Variants in COL18A1 observed in about 807,000 individuals in gnomAD.
The protein encoded by COL18A1 is collagen type XVIII alpha 1 chain.
Under a neutral mutation model 168.0 loss-of-function variants are expected in COL18A1, and 133 were observed. The observed-to-expected ratio is 0.79, with a 90% CI of 0.69 to 0.91. COL18A1 has a LOEUF of 0.91. Among genes scored for constraint, COL18A1 ranks in the 40% least tolerant of loss-of-function variants. The pLI is 0.00. For missense variants in COL18A1, 2,126 were observed against 1,925.4 expected (o/e 1.10, Z -1.95); for synonymous variants, 949 against 809.0 (o/e 1.17, Z -2.94).
chr21:45,504,819 T>TGGGCC (rs945823170), intron 34 of COL18A1, among the ~76,000 whole-genome samples: 27 of 152,106 alleles, frequency 1.8e-4, no homozygotes, highest in Non-Finnish European at 3.5e-4. Context: ...CCTCTGCTCC[T>TGGGCC]GGGCCGGGTC....
At position 45,493,600 on chromosome 21, in the gene COL18A1, G is replaced by A. The variant is rs77010332; in HGVS notation, c.2352+25G>A. On this transcript the variant is annotated intron_variant, in intron 26 of 41. Transcript: ENST00000651438. ...GGTGAGGGCCGGGCAGCCTCCTTCC[G>A]GCAGGCGTGGGGGCTCCTGGGGCTG... is the stretch of plus-strand genomic sequence containing the variant. 23,785 of 1,525,146 alleles carry A rather than the reference G, an allele frequency of 0.016. 926 individuals are homozygous for A. Among genetic ancestry groups the A allele is most frequent in the East Asian group, 0.13 (5,298 of 40,788 alleles). The allele number at this position is 1,525,146 out of a possible 1,614,324, so 94.5% of individuals were successfully genotyped here. A position where few individuals can be genotyped will look rare whatever the true frequency, so the allele number is the denominator to read the frequency against.
intron 2 of COL18A1, among the ~76,000 whole-genome samples, chr21:45,450,063 T>G (rs1490272896): frequency 6.6e-6 from 1 of 152,204 alleles, no homozygotes; most frequent in Non-Finnish European, 1.5e-5. Context: ...CTTGACTGGC[T>G]GTGCCTGCCT....
At chr21:45,493,719 T>C (rs996635315) in intron 26 of COL18A1, 144 bp downstream of exon 26, 1 of 659,294 alleles carries the variant, frequency 1.5e-6, no homozygotes, top group Admixed American at 2.8e-5. Context: ...CTGGCCCTGG[T>C]GGCCCCTCCT....
At chr21:45,506,068 G>A in intron 37 of COL18A1, 102 bp downstream of exon 37, 3 of 1,554,134 alleles carry the variant, frequency 1.9e-6, no homozygotes, top group Non-Finnish European at 2.6e-6. Flanking sequence ...AGGGATGGGA[G>A]CAGGTGGCAG....
chr21:45,498,250 G>A lies in COL18A1; in HGVS notation c.2683+589G>A. ...AGGATGTCTGGGGGCTGGCAGAGCA[G>A]AAGCCCAGAGAGCCAGGCTAGCCTC... On this transcript the variant is annotated intron_variant, in intron 32 of 41. Transcript: ENST00000651438. The surrounding 1 kb of genome is among the most constrained non-coding windows in gnomAD (Gnocchi z 4.5). The A allele has an allele frequency of 2.8e-6, 2 of 704,844 alleles. No individual in the cohort carries two copies. The highest frequency in any genetic ancestry group is 1.5e-5 in the South Asian group (1 of 67,548). 43.7% of individuals were successfully genotyped at this position (704,844 alleles called of 1,614,324 possible).
Position 45,423,280 on chromosome 21 carries a change from T to C in COL18A1, c.106+17807T>C, listed in dbSNP as rs1392080840. ...GGTCCAGTTCCCGCGTGTTGGCCGG[T>C]CTGGTCCCTGAGTGTTGGCTGGTCC... On this transcript the variant is annotated intron_variant, in intron 2 of 41. Transcript: ENST00000651438. This position sits in a 1 kb window ranked among gnomAD's most constrained non-coding sequence, Gnocchi z 4.0. Among the ~76,000 whole-genome samples, 1 of 152,166 alleles carries C rather than the reference T, an allele frequency of 6.6e-6. No individual in the cohort carries two copies. Among genetic ancestry groups the C allele is most frequent in the Non-Finnish European group, 1.5e-5 (1 of 68,034 alleles).
In COL18A1 at chr21:45,487,470, G is replaced by C; in HGVS notation, c.1857G>C (p.Gly619=). ...AGGATGACATGGAAGGCTCCGGGGG[G>C]CCCTTCTGGTCAACAGCCCGAAGCG... ...AGFDDMEGSG[G]PFWSTARSAD... is the part of the protein sequence containing the mutation. Residue 619 remains glycine, a synonymous_variant, in exon 17 of 42, where the codon GGG becomes GGC. Coordinates refer to ENST00000651438, the MANE Select transcript of COL18A1 (RefSeq NM_001379500.1). 6.2e-7 allele frequency: 1 copy of C among 1,613,096 alleles called. No individual in the cohort carries two copies. The highest frequency in any genetic ancestry group is 1.7e-4 in the Middle Eastern group (1 of 5,982).
intron 2 of COL18A1, among the ~76,000 whole-genome samples, chr21:45,447,830 G>A (rs1179119903): frequency 6.6e-6 from 1 of 152,096 alleles, no homozygotes; most frequent in Non-Finnish European, 1.5e-5. Flanking sequence ...CGCCCTCAGT[G>A]AACTTTATCA....
intron 2 of COL18A1, chr21:45,456,852 G>A (rs556919652): frequency 1.4e-6 from 2 of 1,480,066 alleles, no homozygotes; most frequent in East Asian, 5.2e-5. Flanking sequence ...CAGGAGGATG[G>A]GTACTGTGTG....
chr21:45,422,913 G>A (rs547623246), intron 2 of COL18A1, among the ~76,000 whole-genome samples: 28 of 152,072 alleles, frequency 1.8e-4, no homozygotes, highest in Non-Finnish European at 3.5e-4. Context: ...TCAGCCTCCC[G>A]AGTAGCTGGG....
intron 2 of COL18A1, among the ~76,000 whole-genome samples, chr21:45,452,476 T>C (rs1044625308): frequency 2.7e-5 from 4 of 149,384 alleles, no homozygotes; most frequent in African/African-American, 1.0e-4. Context: ...TATATGTACG[T>C]GTGTGTTTCT....
rs2036330998 is a variant in COL18A1, at chr21:45,491,252, C to A, written c.2095C>A (p.Gln699Lys). Residue 699 changes from glutamine to lysine, a missense_variant, in exon 22 of 42, where the codon CAG becomes AAG. Transcript: ENST00000651438. Reference protein sequence around the residue: ...KGDPGKDGVGQPGLPGPPGPP... With the variant: ...KGDPGKDGVGKPGLPGPPGPP... ...AGATCCAGGGAAGGACGGAGTCGGG[C>A]AGCCGGGCCTCCCTGGCCCCCCCGG... 1.2e-6 allele frequency: 2 copies of A among 1,612,398 alleles called. No homozygotes were observed. Among genetic ancestry groups the A allele is most frequent in the Non-Finnish European group, 1.7e-6 (2 of 1,179,676 alleles).
chr21:45,497,192 G>A (rs1370528459), intron 31 of COL18A1, 100 bp downstream of exon 31: 5 of 830,542 alleles, frequency 6.0e-6, no homozygotes, highest in South Asian at 2.7e-5. Context: ...CTCCCCCAGT[G>A]GCCCAAGGCC....
chr21:45,489,619 T>G, intron 19 of COL18A1, 98 bp downstream of exon 19: 2 of 745,512 alleles, frequency 2.7e-6, no homozygotes, highest in Non-Finnish European at 4.3e-6. Flanking sequence ...CCTTCCCCGC[T>G]CTTCCTGCCA....
intron 13 of COL18A1, among the ~76,000 whole-genome samples, chr21:45,481,101 C>G (rs1420010191): frequency 6.6e-6 from 1 of 152,198 alleles, no homozygotes; most frequent in African/African-American, 2.4e-5. Flanking sequence ...CAAGCAAGGC[C>G]TCCGACCTCT....
intron 2 of COL18A1, among the ~76,000 whole-genome samples, 178 bp downstream of exon 2, chr21:45,405,651 C>G (rs1288933771): frequency 6.6e-6 from 1 of 150,988 alleles, no homozygotes; most frequent in Non-Finnish European, 1.5e-5. Flanking sequence ...TGGCCGGAGT[C>G]CCGCCCATTC....
At chr21:45,492,599 G>A in intron 23 of COL18A1, 35 bp downstream of exon 23, 3 of 1,612,810 alleles carry the variant, frequency 1.9e-6, no homozygotes, top group Non-Finnish European at 2.5e-6. Flanking sequence ...AGACGGGCCT[G>A]CGGGGACCTG....
chr21:45,428,188 G>A (rs2033861449), intron 2 of COL18A1, among the ~76,000 whole-genome samples: 1 of 152,194 alleles, frequency 6.6e-6, no homozygotes, highest in African/African-American at 2.4e-5. Context: ...CTGGGCCTGG[G>A]GGCTCTCAGA....
At chr21:45,480,969 C>T (rs2035871518) in intron 13 of COL18A1, 111 bp downstream of exon 13, 1 of 1,437,652 alleles carries the variant, frequency 7.0e-7, no homozygotes, top group South Asian at 1.2e-5. Flanking sequence ...GTCCCCGCCT[C>T]CTCACCTCAT....
Sources: gnomAD v4.1 joint callset for allele counts (sites outside exome capture counted in the v4.1 genomes callset) on GRCh38, gnomAD v4.1.1 for gene constraint, Gnocchi (gnomAD v3.1) non-coding constraint, MANE v1.5 for transcripts, NCBI Gene and HGNC (gene_info 2026-07-23, HGNC 2026-07-21) for gene names.